The following COX10 variants were observed in gnomAD, a reference collection of about 807,000 sequenced individuals.
The protein encoded by COX10 is protoheme IX farnesyltransferase, mitochondrial.
Under a neutral mutation model 37.3 loss-of-function variants are expected in COX10, and 27 were observed. The observed-to-expected ratio is 0.72, with a 90% CI of 0.53 to 1.00. COX10 has a LOEUF of 1.00. COX10 is among the 50% of genes least tolerant of loss of function. The probability of loss-of-function intolerance (pLI) is 0.00; values close to 1 mark genes in which losing one functional copy is unlikely to be tolerated. For synonymous variants in COX10, 222 were observed against 229.1 expected (o/e 0.97, Z 0.28); for missense variants, 475 against 563.2 (o/e 0.84, Z 1.59).
intron 2 of COX10, among the ~76,000 whole-genome samples, chr17:14,076,442 G>T (rs1242940486): frequency 1.8e-5 from 2 of 113,278 alleles, no homozygotes; most frequent in Non-Finnish European, 4.0e-5. Flanking sequence ...AAATTCTGGA[G>T]GAGATGAATA....
chr17:14,114,953 G>T (rs1345653637), intron 4 of COX10, among the ~76,000 whole-genome samples: 1 of 152,038 alleles, frequency 6.6e-6, no homozygotes, highest in Non-Finnish European at 1.5e-5. Flanking sequence ...ATATGGCTCT[G>T]TTATATCATT....
At chr17:14,160,945 A>C (rs2142240368) in intron 5 of COX10, among the ~76,000 whole-genome samples, 1 of 152,282 alleles carries the variant, frequency 6.6e-6, no homozygotes, top group Middle Eastern at 3.4e-3. Context: ...TTAGAGGGGA[A>C]AATGCAAAGT....
chr17:14,184,306 T>C (rs1197197342), intron 5 of COX10, among the ~76,000 whole-genome samples: 1 of 152,226 alleles, frequency 6.6e-6, no homozygotes, highest in Non-Finnish European at 1.5e-5. Context: ...AAATAACTAG[T>C]TAACTTCAGA....
intron 3 of COX10, among the ~76,000 whole-genome samples, chr17:14,080,667 G>C (rs532504898): frequency 2.8e-4 from 42 of 152,248 alleles, no homozygotes; most frequent in African/African-American, 1.0e-3. Flanking sequence ...TTGATCATTT[G>C]TGGTTTTTCT....
At chr17:14,112,105 G>C (rs1471062371) in intron 4 of COX10, among the ~76,000 whole-genome samples, 1 of 152,054 alleles carries the variant, frequency 6.6e-6, no homozygotes, top group Non-Finnish European at 1.5e-5. Context: ...TTCCACAAGA[G>C]GAAAAATAGT....
intron 4 of COX10, among the ~76,000 whole-genome samples, chr17:14,143,723 C>G (rs1442576654): frequency 6.6e-6 from 1 of 152,132 alleles, no homozygotes; most frequent in African/African-American, 2.4e-5. Context: ...TGAACATTAT[C>G]AAAAGCATAT....
chr17:14,072,187 C>A (rs896352566), intron 1 of COX10, among the ~76,000 whole-genome samples: 15 of 152,058 alleles, frequency 9.9e-5, no homozygotes, highest in Non-Finnish European at 1.9e-4. Context: ...TTCTTACTAC[C>A]ATTCTGTAAA....
intron 3 of COX10, among the ~76,000 whole-genome samples, chr17:14,080,047 G>GTTACTT (rs1293104179): frequency 1.3e-5 from 2 of 151,870 alleles, no homozygotes; most frequent in African/African-American, 4.8e-5. Context: ...AAGCAACTCT[G>GTTACTT]TTACTTTTAC....
At chr17:14,109,184 G>C (rs989751098) in intron 4 of COX10, among the ~76,000 whole-genome samples, 1 of 152,172 alleles carries the variant, frequency 6.6e-6, no homozygotes, top group African/African-American at 2.4e-5. Context: ...TTTGCCTAGA[G>C]AGTTCTTGAA....
At chr17:14,142,370 A>G (rs554457387) in intron 4 of COX10, among the ~76,000 whole-genome samples, 13 of 152,312 alleles carry the variant, frequency 8.5e-5, no homozygotes, top group Non-Finnish European at 1.9e-4. Context: ...TAAATACATA[A>G]TCTATTGTAA....
chr17:14,069,531 A>G lies in COX10; in HGVS notation c.-75A>G. Reference sequence around the variant, plus strand: ...TACTCCCACAGGGGGGCGGGGAAGGAAGATGGCGGCGCCCAGCGTCCCGTG... The same window carrying G: ...TACTCCCACAGGGGGGCGGGGAAGGGAGATGGCGGCGCCCAGCGTCCCGTG... On this transcript the variant is annotated 5_prime_UTR_variant, in exon 1 of 7. Coordinates refer to ENST00000261643, the MANE Select transcript of COX10 (RefSeq NM_001303.4). 1.3e-6 allele frequency: 2 copies of G among 1,576,868 alleles called. No individual in the cohort carries two copies. Among genetic ancestry groups the G allele is most frequent in the South Asian group, 1.1e-5 (1 of 89,260 alleles).
Position 14,207,294 on chromosome 17 carries a change from A to G in COX10, c.*81A>G. 1.4e-6 allele frequency: 2 copies of G among 1,446,208 alleles called. No individual in the cohort carries two copies. Among genetic ancestry groups the G allele is most frequent in the African/African-American group, 2.9e-5 (2 of 70,116 alleles). The allele number at this position is 1,446,208 out of a possible 1,614,324, so 89.6% of individuals were successfully genotyped here. On this transcript the variant is annotated 3_prime_UTR_variant, in exon 7 of 7. Coordinates refer to ENST00000261643, the MANE Select transcript of COX10 (RefSeq NM_001303.4). ...GTAATTCTGGAACACAAGAAGAGAAATTGCTGGGTTTAGAACAAGATTATA... is the reference window on the plus strand; with the variant it reads ...GTAATTCTGGAACACAAGAAGAGAAGTTGCTGGGTTTAGAACAAGATTATA...
At chr17:14,206,363 A>G (rs1906699302) in intron 6 of COX10, among the ~76,000 whole-genome samples, 1 of 152,160 alleles carries the variant, frequency 6.6e-6, no homozygotes, top group African/African-American at 2.4e-5. Flanking sequence ...GCGCTCCAGC[A>G]CAATGGTTGC....
intron 4 of COX10, among the ~76,000 whole-genome samples, chr17:14,153,729 A>G (rs1235750799): frequency 6.6e-6 from 1 of 152,238 alleles, no homozygotes; most frequent in Non-Finnish European, 1.5e-5. Flanking sequence ...CCTCAACTAT[A>G]TGATATATGT....
chr17:14,120,810 T>C (rs1174996507), intron 4 of COX10, among the ~76,000 whole-genome samples: 2 of 152,188 alleles, frequency 1.3e-5, no homozygotes, highest in Admixed American at 6.5e-5. Flanking sequence ...CTCTGGAATA[T>C]AGTGTCCCAA....
At chr17:14,149,830 C>T (rs1257096021) in intron 4 of COX10, among the ~76,000 whole-genome samples, 1 of 152,192 alleles carries the variant, frequency 6.6e-6, no homozygotes, top group Middle Eastern at 3.4e-3. Flanking sequence ...TTCCTTTGAG[C>T]TAGTTTGAGT....
intron 5 of COX10, among the ~76,000 whole-genome samples, chr17:14,190,748 G>A (rs1482364431): frequency 3.3e-5 from 5 of 152,066 alleles, no homozygotes; most frequent in African/African-American, 7.2e-5. Context: ...GCACCCTCCC[G>A]GCTAAATTCT....
At chr17:14,155,425 G>A (rs1008768034) in intron 4 of COX10, among the ~76,000 whole-genome samples, 6 of 151,880 alleles carry the variant, frequency 4.0e-5, no homozygotes, top group African/African-American at 1.4e-4. Flanking sequence ...TTGAAAGATA[G>A]GAGAGTGAGG....
intron 5 of COX10, among the ~76,000 whole-genome samples, chr17:14,175,796 T>A (rs1477919168): frequency 6.8e-6 from 1 of 147,042 alleles, no homozygotes; most frequent in East Asian, 2.0e-4. Context: ...TGGGAGGGAG[T>A]GGATTGGAGT....
Sources: gnomAD v4.1 joint callset for allele counts (sites outside exome capture counted in the v4.1 genomes callset) on GRCh38, gnomAD v4.1.1 for gene constraint, MANE v1.5 for transcripts, NCBI Gene and HGNC (gene_info 2026-07-23, HGNC 2026-07-21) for gene names.